The following CCND3 variants were observed in gnomAD, a reference collection of about 807,000 sequenced individuals.
CCND3 encodes the protein G1/S-specific cyclin-D3.
Under a neutral mutation model 28.7 loss-of-function variants are expected in CCND3, and 9 were observed. The ratio of observed to expected loss-of-function variants is 0.31; its 90% CI spans 0.19 to 0.55. CCND3 has a LOEUF of 0.55. Among genes scored for constraint, CCND3 ranks in the 20% least tolerant of loss-of-function variants. The pLI is 0.93. For synonymous variants in CCND3, 164 were observed against 163.9 expected (o/e 1.00, Z 0.00); for missense variants, 315 against 385.8 (o/e 0.82, Z 1.54).
chr6:42,004,702 C>T (rs1248037028), intron 1 of CCND3, among the ~76,000 whole-genome samples: 3 of 152,052 alleles, frequency 2.0e-5, no homozygotes, highest in African/African-American at 7.2e-5. Flanking sequence ...TGCACTCCTT[C>T]TTGGGCAACA....
At chr6:41,972,196 G>C (rs7769950) in intron 1 of CCND3, among the ~76,000 whole-genome samples, 127,936 of 143,388 alleles carry the variant, frequency 0.89, 57,489 homozygotes, top group Non-Finnish European at 0.96. Context: ...CCACTGCACT[G>C]CAGCCTGGGC....
upstream of CCND3, among the ~76,000 whole-genome samples, chr6:41,944,090 G>A (rs867102254): frequency 7.2e-5 from 11 of 151,954 alleles, no homozygotes; most frequent in African/African-American, 2.7e-4. Context: ...CAGCACTTTG[G>A]GAGGCTGAGG....
chr6:42,011,397 T>C (rs1056786272), intron 1 of CCND3, among the ~76,000 whole-genome samples: 1 of 152,138 alleles, frequency 6.6e-6, no homozygotes, highest in Non-Finnish European at 1.5e-5. Context: ...AATGCTGAGA[T>C]TATAGGCACG....
intron 1 of CCND3, among the ~76,000 whole-genome samples, chr6:42,041,237 T>C (rs1265836321): frequency 6.6e-6 from 1 of 152,224 alleles, no homozygotes; most frequent in Admixed American, 6.5e-5. Context: ...TCAAGTCCAG[T>C]GACTGAAAAA....
At chr6:41,956,713 G>T (rs1039618538) in intron 1 of CCND3, among the ~76,000 whole-genome samples, 13 of 152,062 alleles carry the variant, frequency 8.5e-5, no homozygotes, top group African/African-American at 2.9e-4. Flanking sequence ...TGGCCCTTAA[G>T]ATAGCCCTAA....
At chr6:42,021,215 T>C (rs780504794) in intron 1 of CCND3, among the ~76,000 whole-genome samples, 4 of 152,260 alleles carry the variant, frequency 2.6e-5, no homozygotes, top group Non-Finnish European at 5.9e-5. Context: ...ACGTAATTTA[T>C]ACATTAAACT....
chr6:42,005,553 A>C (rs1763153245), intron 1 of CCND3, among the ~76,000 whole-genome samples: 1 of 151,244 alleles, frequency 6.6e-6, no homozygotes, highest in African/African-American at 2.4e-5. Context: ...AAAAAAAAAA[A>C]AAAAAAAAAA....
At chr6:41,992,308 G>T (rs1762672289) in intron 1 of CCND3, among the ~76,000 whole-genome samples, 1 of 150,954 alleles carries the variant, frequency 6.6e-6, no homozygotes, top group South Asian at 2.1e-4. Context: ...GATTACAGGT[G>T]CCTGCCACCA....
rs559434862 is a variant in CCND3 at position 41,989,328 on chromosome 6, T to C, written c.-45-48743A>G. On this transcript the variant is annotated intron_variant, in intron 1 of 4. Coordinates refer to the CCND3 transcript ENST00000372988. Reference sequence around the variant, plus strand: ...ACAAAAATTAGCTGGGTGTGGTCTTTGGTATATTAAAAGCTACTCGGGAGA... The same window carrying C: ...ACAAAAATTAGCTGGGTGTGGTCTTCGGTATATTAAAAGCTACTCGGGAGA... Among the ~76,000 whole-genome samples, 7 of 151,410 alleles carry C rather than the reference T, an allele frequency of 4.6e-5. No individual in the cohort carries two copies. In the South Asian group the frequency reaches 6.3e-4, roughly 14 times the overall value.
At chr6:41,947,500 A>G (rs1179560148) in intron 1 of CCND3, among the ~76,000 whole-genome samples, 1 of 152,232 alleles carries the variant, frequency 6.6e-6, no homozygotes, top group Non-Finnish European at 1.5e-5. Flanking sequence ...CCAATGGCTC[A>G]GGCCAAACAC....
At chr6:41,945,662 C>A (rs1776149241), upstream of CCND3, among the ~76,000 whole-genome samples, 1 of 152,194 alleles carries the variant, frequency 6.6e-6, no homozygotes, top group Admixed American at 6.5e-5. Context: ...GGGCTGAGAA[C>A]AGGGGTGCTA....
At chr6:42,028,040 C>A (rs1763934404) in intron 1 of CCND3, among the ~76,000 whole-genome samples, 1 of 152,208 alleles carries the variant, frequency 6.6e-6, no homozygotes, top group Admixed American at 6.5e-5. Context: ...AGACACCACG[C>A]CCGGCCGCCC....
chr6:42,013,772 T>C (rs60223017), intron 1 of CCND3, among the ~76,000 whole-genome samples: 7,379 of 152,262 alleles, frequency 0.048, 315 homozygotes, highest in Admixed American at 0.1. Flanking sequence ...CGCCAAGCCA[T>C]TCATTCAAGA....
chr6:42,029,762 C>T (rs1246976504), intron 1 of CCND3, among the ~76,000 whole-genome samples: 1 of 149,620 alleles, frequency 6.7e-6, no homozygotes, highest in Non-Finnish European at 1.5e-5. Context: ...ACTTGAACCT[C>T]GGAGGTGGAG....
intron 1 of CCND3, among the ~76,000 whole-genome samples, chr6:41,951,574 AC>A (rs202075701): frequency 2.3e-4 from 25 of 107,296 alleles, no homozygotes; most frequent in South Asian, 7.2e-4. Flanking sequence ...ACACACACAC[AC>A]AAAAAAAAAG....
At position 42,014,164 on chromosome 6, in the gene CCND3, G is replaced by A. The variant is rs540614861; in HGVS notation, c.-46+34337C>T. On this transcript the variant is annotated intron_variant, in intron 1 of 4. Coordinates refer to the CCND3 transcript ENST00000372988. ...GTGGATCACGAGGTCAGGAGATCGA[G>A]ACCATCCTGGCTAACACGGTGAAAC... is the stretch of plus-strand genomic sequence containing the variant. Among the ~76,000 whole-genome samples, 176 of 151,126 alleles carry A rather than the reference G, an allele frequency of 1.2e-3. 1 individual carries two copies. The highest frequency in any genetic ancestry group is 7.8e-4 in the Non-Finnish European group (53 of 67,916).
At chr6:41,985,476 G>A (rs1762460266) in intron 1 of CCND3, among the ~76,000 whole-genome samples, 1 of 151,946 alleles carries the variant, frequency 6.6e-6, no homozygotes, top group South Asian at 2.1e-4. Context: ...ACCACACCTG[G>A]CTAATTTTGT....
chr6:41,957,269 C>T (rs540400702), intron 1 of CCND3, among the ~76,000 whole-genome samples: 2 of 152,318 alleles, frequency 1.3e-5, no homozygotes, highest in Non-Finnish European at 2.9e-5. Context: ...ACACTCCTTT[C>T]GTCTTCAGTC....
intron 1 of CCND3, among the ~76,000 whole-genome samples, chr6:41,989,061 G>T (rs1037236110): frequency 6.6e-6 from 1 of 152,066 alleles, no homozygotes; most frequent in Non-Finnish European, 1.5e-5. Flanking sequence ...TCAAAAGAAT[G>T]AGAAGACAAG....
Sources: gnomAD v4.1 joint callset for allele counts (sites outside exome capture counted in the v4.1 genomes callset) on GRCh38, gnomAD v4.1.1 for gene constraint, MANE v1.5 for transcripts, NCBI Gene and HGNC (gene_info 2026-07-23, HGNC 2026-07-21) for gene names.